HEG1: variants seen among roughly 807,000 people sequenced by gnomAD.
The protein encoded by HEG1 is heart development protein with EGF like domains 1, also known as protein HEG homolog 1.
In HEG1, 56 loss-of-function variants were observed where a neutral mutation model predicts 125.6. The ratio of observed to expected loss-of-function variants is 0.45; its 90% CI spans 0.36 to 0.56. The LOEUF (loss-of-function observed/expected upper bound fraction) is 0.56. Among genes scored for constraint, HEG1 ranks in the 20% least tolerant of loss-of-function variants. The pLI, the probability that HEG1 is intolerant of heterozygous loss-of-function variation, is 0.00. For synonymous variants in HEG1, 644 were observed against 668.5 expected, an observed-to-expected ratio of 0.96 and a Z score of 0.57; for missense variants, 1,523 against 1,670.0, an observed-to-expected ratio of 0.91 and a Z score of 1.53.
intron 1 of HEG1, among the ~76,000 whole-genome samples, chr3:125,030,049 C>T (rs1477907382): frequency 6.6e-6 from 1 of 152,142 alleles, no homozygotes; most frequent in African/African-American, 2.4e-5. Context: ...CAACATGGGG[C>T]TCATGGAAGA....
chr3:125,007,760 T>C (rs1579413532), intron 8 of HEG1, among the ~76,000 whole-genome samples: 1 of 152,312 alleles, frequency 6.6e-6, no homozygotes, highest in South Asian at 2.1e-4. Flanking sequence ...AGCAAATCAT[T>C]TGAGTCCTGG....
chr3:125,019,188 G>T (rs749596389), intron 5 of HEG1, 74 bp downstream of exon 5: 4 of 1,310,850 alleles, frequency 3.1e-6, no homozygotes, highest in East Asian at 2.4e-5. Flanking sequence ...GTTTTAATAC[G>T]CCACAGATTT....
chr3:124,991,180 C>T (rs567314093), intron 12 of HEG1, among the ~76,000 whole-genome samples, 194 bp from the exon 13 acceptor site: 5 of 149,126 alleles, frequency 3.4e-5, no homozygotes, highest in East Asian at 2.0e-4. Context: ...GATAGAGTCT[C>T]GCTCTGTCAC....
chr3:125,029,026 T>C (rs986492103), intron 2 of HEG1, among the ~76,000 whole-genome samples, 169 bp downstream of exon 2: 1 of 152,190 alleles, frequency 6.6e-6, no homozygotes, highest in Non-Finnish European at 1.5e-5. Context: ...CTGGTCTGTA[T>C]TGGCAAGCAT....
chr3:124,974,675 G>C (rs1052554578), intron 15 of HEG1, among the ~76,000 whole-genome samples: 1 of 152,152 alleles, frequency 6.6e-6, no homozygotes, highest in African/African-American at 2.4e-5. Context: ...CTATCTAACC[G>C]GTCCAGGATC....
Position 125,013,723 on chromosome 3 carries a change from G to C in HEG1, c.1856C>G (p.Ala619Gly). The C allele has an allele frequency of 6.2e-7, 1 of 1,614,038 alleles. No homozygotes were observed. The highest frequency in any genetic ancestry group is 8.5e-7 in the Non-Finnish European group (1 of 1,179,888). The change falls in exon 6 of 17, where the codon GCT becomes GGT. Residue 619 changes from alanine (A) to glycine (G), a missense_variant. Transcript: ENST00000311127. ...AACTGGCGACTCAGTAGAAGGCTGA[G>C]CATATTCCCCGTCATAGGATGAGAT... is the stretch of plus-strand genomic sequence containing the variant. The part of the protein sequence containing the change: ...SNISSYDGEY[A>G]QPSTESPVLH...
intron 9 of HEG1, among the ~76,000 whole-genome samples, chr3:125,004,681 GGT>G (rs1937047317): frequency 6.6e-6 from 1 of 151,684 alleles, no homozygotes; most frequent in Non-Finnish European, 1.5e-5. Flanking sequence ...GTAGAGACAG[GGT>G]CTTGCCATGC....
At position 124,971,539 on chromosome 3, in the gene HEG1, C is replaced by T. The variant is rs562512425; in HGVS notation, c.3997-738G>A. ...ATGGAGTCTCACTCTGTCGCCAGGC[C>T]GGAGTGCAGTGGCACAATCTCGGCT... On this transcript the variant is annotated intron_variant, in intron 16 of 16. Coordinates refer to ENST00000311127, the MANE Select transcript of HEG1 (RefSeq NM_020733.2). 1.5e-4 allele frequency among the ~76,000 whole-genome samples: 22 copies of T among 151,612 alleles called. No homozygotes were observed. In the East Asian group the frequency reaches 1.6e-3, roughly 11 times the overall value.
At position 124,969,482 on chromosome 3, in the gene HEG1, G is replaced by T. The variant is rs1049438598; in HGVS notation, c.*1170C>A. ...AGAAAAAAAAGTTATTTCTTCAGCC[G>T]AATAAACAGCTTTGAGTGGTTGAAA... On this transcript the variant is annotated 3_prime_UTR_variant, in exon 17 of 17. Transcript: ENST00000311127. The T allele has an allele frequency of 6.6e-6, 1 of 152,286 alleles. No individual in the cohort carries two copies. Among genetic ancestry groups the T allele is most frequent in the East Asian group, 1.9e-4 (1 of 5,184 alleles). The allele number at this position is 152,286 out of a possible 1,614,324, so 9.4% of individuals were successfully genotyped here.
chr3:124,990,869 T>G (rs997312446), intron 13 of HEG1, 45 bp from the exon 14 acceptor site: 14 of 1,555,474 alleles, frequency 9.0e-6, no homozygotes, highest in African/African-American at 8.2e-5. Flanking sequence ...GTTTCCAATC[T>G]CAAAAGAAAT....
chr3:125,033,380 G>C (rs1165289001), intron 1 of HEG1, among the ~76,000 whole-genome samples: 1 of 152,114 alleles, frequency 6.6e-6, no homozygotes, highest in African/African-American at 2.4e-5. Flanking sequence ...GGAATCCAAC[G>C]GGAAACCACT....
At position 125,028,173 on chromosome 3, in the gene HEG1, C is replaced by T. The variant is rs569728862; in HGVS notation, c.611-666G>A. ...GTCTGCCTGGGTGGTCCCTTTGACT[C>T]CAGGTTCCCTCCATCCTCCTACCCC... On this transcript the variant is annotated intron_variant, in intron 2 of 16. Transcript: ENST00000311127. 2.6e-3 allele frequency among the ~76,000 whole-genome samples: 391 copies of T among 152,332 alleles called. 1 individual carries two copies. The highest frequency in any genetic ancestry group is 9.2e-3 in the African/African-American group (383 of 41,576).
At chr3:124,977,100 G>C (rs536330201) in intron 15 of HEG1, among the ~76,000 whole-genome samples, 1 of 152,242 alleles carries the variant, frequency 6.6e-6, no homozygotes, top group South Asian at 2.1e-4. Context: ...GAGATCTGAT[G>C]GTTCTATACG....
intron 6 of HEG1, among the ~76,000 whole-genome samples, chr3:125,011,230 A>C (rs2107699899): frequency 6.7e-6 from 1 of 150,064 alleles, no homozygotes. Flanking sequence ...AGAAGGTAAA[A>C]GTCAAGTCTT....
intron 12 of HEG1, 81 bp from the exon 13 acceptor site, chr3:124,991,067 A>G: frequency 9.6e-7 from 1 of 1,042,810 alleles, no homozygotes. Context: ...AGCCACCCTA[A>G]AGTCCACAAG....
At chr3:124,978,007 C>A in intron 14 of HEG1, 61 bp from the exon 15 acceptor site, 1 of 1,273,636 alleles carries the variant, frequency 7.9e-7, no homozygotes, top group Non-Finnish European at 1.1e-6. Flanking sequence ...TGAGTGAGTT[C>A]TCAAGAATGG....
chr3:124,975,272 T>G (rs1249568938), intron 15 of HEG1, among the ~76,000 whole-genome samples: 1 of 152,216 alleles, frequency 6.6e-6, no homozygotes, highest in Non-Finnish European at 1.5e-5. Context: ...CTAGCTATTT[T>G]GGGAGGTTCC....
In HEG1 at chr3:125,012,746, C is replaced by T. The variant is rs772409009; in HGVS notation, c.2833G>A (p.Gly945Arg). 110 of 1,613,828 alleles carry T rather than the reference C, an allele frequency of 6.8e-5. No individual in the cohort carries two copies. The highest frequency in any genetic ancestry group is 2.4e-4 in the South Asian group (22 of 91,078). ...GTGGTTTGGGGAGAAGGAGATGTTCCGAGGGAACGTGAAGCTGGGCTGTAC... is the reference window on the plus strand; with the variant it reads ...GTGGTTTGGGGAGAAGGAGATGTTCTGAGGGAACGTGAAGCTGGGCTGTAC... ...AEYSPASRSL[G>R]TSPSPQTTVV... The change falls in exon 6 of 17, where the codon GGA becomes AGA. Residue 945 changes from glycine (G) to arginine (R), a missense_variant. Physicochemically the swap from Gly to Arg is moderately radical, Grantham distance 125. Coordinates refer to ENST00000311127, the MANE Select transcript of HEG1 (RefSeq NM_020733.2).
Position 124,987,962 on chromosome 3 carries a change from T to C in HEG1, c.3733+2825A>G, listed in dbSNP as rs1353245014. Among the ~76,000 whole-genome samples the C allele has an allele frequency of 9.0e-3, 379 of 41,926 alleles. 10 individuals carry two copies. Among genetic ancestry groups the C allele is most frequent in the African/African-American group, 0.017 (235 of 13,526 alleles). 27.5% of individuals were successfully genotyped at this position (41,926 alleles called of 152,430 possible). On this transcript the variant is annotated intron_variant, in intron 14 of 16. Transcript: ENST00000311127. ...ACACACACACACACACATATATATA[T>C]ATATATATATATACCATGTAGTTCT... is the stretch of plus-strand genomic sequence containing the variant.
Sources: gnomAD v4.1 joint callset for allele counts (sites outside exome capture counted in the v4.1 genomes callset) on GRCh38, gnomAD v4.1.1 for gene constraint, MANE v1.5 for transcripts, NCBI Gene and HGNC (gene_info 2026-07-23, HGNC 2026-07-21) for gene names.